ZNF362: variants seen among roughly 807,000 people sequenced by gnomAD.
ZNF362 encodes the protein zinc finger protein 362.
ZNF362 carries 11 observed loss-of-function variants against 42.9 expected under a neutral mutation model. That is an observed-to-expected ratio of 0.26 (90% CI 0.16 to 0.42). ZNF362 has a LOEUF of 0.42. Ranked by LOEUF, ZNF362 falls within the 20% of genes least tolerant of loss-of-function variation. The pLI, the probability that ZNF362 is intolerant of heterozygous loss-of-function variation, is 1.00. For synonymous variants in ZNF362, 255 were observed against 257.3 expected, an observed-to-expected ratio of 0.99 and a Z score of 0.09; for missense variants, 362 against 576.2, an observed-to-expected ratio of 0.63 and a Z score of 3.81.
At chr1:33,285,350 G>A (rs573876242) in intron 6 of ZNF362, among the ~76,000 whole-genome samples, 2 of 152,282 alleles carry the variant, frequency 1.3e-5, no homozygotes, top group South Asian at 4.1e-4. Flanking sequence ...GGAGGCAGAG[G>A]TTGCAGTGAG....
the ZNF362 span, among the ~76,000 whole-genome samples, chr1:33,232,071 T>C: frequency 6.6e-6 from 1 of 152,078 alleles, no homozygotes; most frequent in South Asian, 2.1e-4. Flanking sequence ...GGCCAAGCAC[T>C]CAGAGGACAG....
the ZNF362 span, among the ~76,000 whole-genome samples, chr1:33,222,821 C>T: frequency 6.6e-6 from 1 of 152,094 alleles, no homozygotes; most frequent in African/African-American, 2.4e-5. Flanking sequence ...TGGCTGTGTC[C>T]CCACCCAAAT....
At chr1:33,177,044 C>CAA in the ZNF362 span, among the ~76,000 whole-genome samples, 2 of 57,976 alleles carry the variant, frequency 3.4e-5, no homozygotes, top group Admixed American at 1.7e-4. The surrounding 1 kb of genome is among the most constrained non-coding windows in gnomAD (Gnocchi z 4.1). Flanking sequence ...CACATGCACA[C>CAA]ACACACGCAC....
At position 33,297,511 on chromosome 1, in the gene ZNF362, C is replaced by CTTTTTTTTTTTTTTTTTTTTTTT. The variant is rs776504622; in HGVS notation, c.1147-1418_1147-1417insTTTTTTTTTTTTTTTTTTTTTTT. 2.5e-5 allele frequency among the ~76,000 whole-genome samples: 2 copies of CTTTTTTTTTTTTTTTTTTTTTTT among 78,908 alleles called. 1 individual carries two copies. 51.8% of individuals were successfully genotyped at this position (78,908 alleles called of 152,430 possible). A position where few individuals can be genotyped will look rare whatever the true frequency, so the allele number is the denominator to read the frequency against. ...ATGATTTGGTGTATTTACATGATTC[C>CTTTTTTTTTTTTTTTTTTTTTTT]TCTTTTTTTTTTTTTTTTTGAGACG... On this transcript the variant is annotated intron_variant, in intron 8 of 8. Transcript: ENST00000539719.
intron 6 of ZNF362, among the ~76,000 whole-genome samples, chr1:33,292,236 C>T (rs188301092): frequency 6.6e-6 from 1 of 152,240 alleles, no homozygotes; most frequent in African/African-American, 2.4e-5. Context: ...TTTTGAGATA[C>T]GTCCCATCAA....
the ZNF362 span, among the ~76,000 whole-genome samples, chr1:33,221,758 C>A: frequency 6.6e-6 from 1 of 152,128 alleles, no homozygotes; most frequent in Non-Finnish European, 1.5e-5. Flanking sequence ...TGGTCCTTAA[C>A]TTTAAGGTGT....
the ZNF362 span, among the ~76,000 whole-genome samples, chr1:33,221,180 G>T: frequency 2.0e-5 from 3 of 152,090 alleles, no homozygotes; most frequent in African/African-American, 7.3e-5. Context: ...GGTGGTGGGT[G>T]TGGCTTCTGG....
chr1:33,250,899 A>AAGAAGAAGAAGAAGG, the ZNF362 span, among the ~76,000 whole-genome samples: 2 of 147,738 alleles, frequency 1.4e-5, no homozygotes, highest in Non-Finnish European at 3.0e-5. Flanking sequence ...GAAGAAGGAG[A>AAGAAGAAGAAGAAGG]AGAAGAAGGT....
the ZNF362 span, among the ~76,000 whole-genome samples, chr1:33,177,245 G>T: frequency 6.6e-6 from 1 of 152,136 alleles, no homozygotes; most frequent in Non-Finnish European, 1.5e-5. This position sits in a 1 kb window ranked among gnomAD's most constrained non-coding sequence, Gnocchi z 4.1. Context: ...ACATTATACA[G>T]CTCTGCTTCT....
the ZNF362 span, chr1:33,195,057 A>G: frequency 1.3e-5 from 2 of 152,244 alleles, no homozygotes; most frequent in African/African-American, 4.8e-5. Flanking sequence ...CTGAAAAGCC[A>G]TCAGAAATGA....
chr1:33,233,246 A>G, the ZNF362 span, among the ~76,000 whole-genome samples: 4 of 152,080 alleles, frequency 2.6e-5, no homozygotes, highest in Admixed American at 2.0e-4. Context: ...AAGATAGTCT[A>G]TTTACTTTCT....
At chr1:33,128,779 G>T in the ZNF362 span, among the ~76,000 whole-genome samples, 2 of 152,174 alleles carry the variant, frequency 1.3e-5, no homozygotes, top group Non-Finnish European at 2.9e-5. Context: ...AGAATGGATG[G>T]CTTCAAGATC....
the ZNF362 span, among the ~76,000 whole-genome samples, chr1:33,172,241 C>T: frequency 2.0e-5 from 3 of 152,216 alleles, no homozygotes; most frequent in South Asian, 2.1e-4. Context: ...GGACTCAGAA[C>T]GGGGGGAGCT....
chr1:33,298,618 C>A (rs145835376), intron 8 of ZNF362, among the ~76,000 whole-genome samples: 1 of 152,242 alleles, frequency 6.6e-6, no homozygotes, highest in Non-Finnish European at 1.5e-5. Context: ...AGTGCTTCAC[C>A]TGGCAGACAG....
chr1:33,230,551 T>G, the ZNF362 span, among the ~76,000 whole-genome samples: 1 of 152,218 alleles, frequency 6.6e-6, no homozygotes, highest in South Asian at 2.1e-4. Context: ...ATACTTCACA[T>G]GTGTCGGGCC....
chr1:33,220,114 C>T, the ZNF362 span, among the ~76,000 whole-genome samples: 2 of 152,166 alleles, frequency 1.3e-5, no homozygotes, highest in African/African-American at 4.8e-5. Context: ...AGTGCTGGGC[C>T]CAGGCCCCGG....
At chr1:33,154,294 A>G in the ZNF362 span, among the ~76,000 whole-genome samples, 1 of 152,180 alleles carries the variant, frequency 6.6e-6, no homozygotes, top group African/African-American at 2.4e-5. Context: ...CTGACCCAGG[A>G]CAGCCCTGGA....
the ZNF362 span, among the ~76,000 whole-genome samples, chr1:33,183,618 C>G: frequency 6.6e-6 from 1 of 152,154 alleles, no homozygotes; most frequent in African/African-American, 2.4e-5. Context: ...ATTCCTCTTG[C>G]CAGTGACGGT....
intron 2 of ZNF362, among the ~76,000 whole-genome samples, chr1:33,273,714 TC>T (rs1382916221): frequency 6.6e-6 from 1 of 152,202 alleles, no homozygotes; most frequent in Non-Finnish European, 1.5e-5. Flanking sequence ...GGTGCCTCCC[TC>T]CTGGTGCCCT....
Sources: gnomAD v4.1 joint callset for allele counts (sites outside exome capture counted in the v4.1 genomes callset) on GRCh38, gnomAD v4.1.1 for gene constraint, Gnocchi (gnomAD v3.1) non-coding constraint, MANE v1.5 for transcripts, NCBI Gene and HGNC (gene_info 2026-07-23, HGNC 2026-07-21) for gene names.